The following TMEM267 variants were observed in gnomAD, a reference collection of about 807,000 sequenced individuals.
The protein encoded by TMEM267 is transmembrane protein C5orf28.
A neutral mutation model predicts 19.3 loss-of-function variants in TMEM267; 20 were observed. That is an observed-to-expected ratio of 1.04 (90% CI 0.73 to 1.51). TMEM267 has a LOEUF of 1.51. TMEM267 is among the 40% of genes most tolerant of loss of function. The probability of loss-of-function intolerance (pLI) is 0.00; values close to 1 mark genes in which losing one functional copy is unlikely to be tolerated. For missense variants in TMEM267, 242 were observed against 261.9 expected (o/e 0.92, Z 0.52); for synonymous variants, 88 against 90.3 (o/e 0.97, Z 0.15).
chr5:43,480,898 G>A (rs1194519306), intron 1 of TMEM267, among the ~76,000 whole-genome samples: 1 of 147,072 alleles, frequency 6.8e-6, no homozygotes, highest in African/African-American at 2.5e-5. Context: ...TGCCTCCCGG[G>A]TTCATGCCAC....
chr5:43,484,010 A>G (rs1407512796), upstream of TMEM267: 1 of 152,202 alleles, frequency 6.6e-6, no homozygotes, highest in Non-Finnish European at 1.5e-5. Flanking sequence ...CGGTGGGTAG[A>G]TACCTCGAGT....
chr5:43,447,424 T>A lies in TMEM267; in HGVS notation c.313-867A>T, dbSNP rs931056189. The stretch of plus-strand genomic sequence containing the variant: ...AAATTTCTAAACCACTACCAAAATG[T>A]ATACTCAATATCTGAACCAATAAAA... On this transcript the variant is annotated intron_variant, in intron 2 of 2. Coordinates refer to ENST00000397080, the MANE Select transcript of TMEM267 (RefSeq NM_022483.5). 3.3e-5 allele frequency among the ~76,000 whole-genome samples: 5 copies of A among 152,146 alleles called. No individual in the cohort carries two copies. The East Asian group carries it at 9.6e-4, about 29-fold the overall frequency.
At position 43,471,485 on chromosome 5, in the gene TMEM267, A is replaced by T. The variant is rs891480422; in HGVS notation, c.-75+12337T>A. ...CCCACAAAAGGCCCAGAATACCCAA[A>T]GCTATCCTAAGCAAAAAGAACAAAA... On this transcript the variant is annotated intron_variant, in intron 1 of 2. Coordinates refer to ENST00000397080, the MANE Select transcript of TMEM267 (RefSeq NM_022483.5). Among the ~76,000 whole-genome samples, 4 of 152,164 alleles carry T rather than the reference A, an allele frequency of 2.6e-5. 1 individual carries two copies. The East Asian group carries it at 7.7e-4, about 29-fold the overall frequency.
In TMEM267 at chr5:43,447,055, A is replaced by T. The variant is rs538547468; in HGVS notation, c.313-498T>A. Reference sequence around the variant, plus strand: ...ATTTAGAAAAATTATATTATTTTAAATACGTATTCTAAAATTGAGTTAAAT... The same window carrying T: ...ATTTAGAAAAATTATATTATTTTAATTACGTATTCTAAAATTGAGTTAAAT... On this transcript the variant is annotated intron_variant, in intron 2 of 2. Transcript: ENST00000397080. 2.0e-4 allele frequency among the ~76,000 whole-genome samples: 31 copies of T among 151,862 alleles called. No individual in the cohort carries two copies. In the East Asian group the frequency reaches 5.8e-3, roughly 28 times the overall value.
intron 1 of TMEM267, chr5:43,475,970 C>T (rs181839592): frequency 6.6e-4 from 101 of 152,310 alleles, no homozygotes; most frequent in African/African-American, 1.9e-3. Flanking sequence ...CCAGAATTCC[C>T]TTCCTTATAT....
At chr5:43,449,102 C>T (rs1295232820) in intron 2 of TMEM267, among the ~76,000 whole-genome samples, 2 of 151,472 alleles carry the variant, frequency 1.3e-5, no homozygotes, top group African/African-American at 4.8e-5. Context: ...ATAAGGCACA[C>T]TGAAAAAATT....
intron 1 of TMEM267, among the ~76,000 whole-genome samples, chr5:43,461,443 T>C (rs1743257670): frequency 6.6e-6 from 1 of 152,076 alleles, no homozygotes; most frequent in Non-Finnish European, 1.5e-5. Context: ...TCACCTTAGG[T>C]ATCAGCACAG....
intron 1 of TMEM267, among the ~76,000 whole-genome samples, chr5:43,466,590 C>A (rs140443678): frequency 1.7e-3 from 261 of 152,044 alleles, no homozygotes; most frequent in African/African-American, 6.1e-3. Context: ...ATAGCAAGTA[C>A]ACAAAAAAAT....
intron 1 of TMEM267, among the ~76,000 whole-genome samples, chr5:43,464,228 C>A (rs1276835842): frequency 1.3e-5 from 2 of 151,016 alleles, no homozygotes; most frequent in African/African-American, 4.9e-5. Flanking sequence ...GAATAAAATA[C>A]CTAGGAATCC....
chr5:43,461,156 G>C, intron 1 of TMEM267, among the ~76,000 whole-genome samples: 1 of 152,162 alleles, frequency 6.6e-6, no homozygotes, highest in East Asian at 1.9e-4. Context: ...CTAGTTCCCA[G>C]ATGTCATTTC....
chr5:43,454,561 A>G (rs1742829999), intron 1 of TMEM267: 1 of 152,258 alleles, frequency 6.6e-6, no homozygotes, highest in African/African-American at 2.4e-5. Flanking sequence ...GTGGTAGAGA[A>G]AGTTCCTCTT....
At chr5:43,482,465 G>A (rs1744845235) in intron 1 of TMEM267, among the ~76,000 whole-genome samples, 1 of 151,948 alleles carries the variant, frequency 6.6e-6, no homozygotes, top group Admixed American at 6.6e-5. Context: ...CAAATAAAAC[G>A]GACTCCCGAA....
chr5:43,466,529 G>A (rs1301135708), intron 1 of TMEM267, among the ~76,000 whole-genome samples: 1 of 152,178 alleles, frequency 6.6e-6, no homozygotes, highest in South Asian at 2.1e-4. Flanking sequence ...AGAAAGGAAA[G>A]GATGTTAATG....
chr5:43,458,704 G>A (rs1458463964), intron 1 of TMEM267, among the ~76,000 whole-genome samples: 2 of 152,086 alleles, frequency 1.3e-5, no homozygotes, highest in East Asian at 3.9e-4. Context: ...ATGTTAAAAA[G>A]TTAGGAAGGT....
chr5:43,464,442 T>G (rs570048028), intron 1 of TMEM267, among the ~76,000 whole-genome samples: 238 of 144,638 alleles, frequency 1.6e-3, no homozygotes, highest in Admixed American at 3.5e-3. Context: ...CTTCACAGAA[T>G]TGGAAAAAAC....
At chr5:43,452,585 T>TTAA (rs1554031574) in intron 2 of TMEM267, among the ~76,000 whole-genome samples, 2 of 123,888 alleles carry the variant, frequency 1.6e-5, no homozygotes, top group Middle Eastern at 3.8e-3. Flanking sequence ...CCTAAATCCA[T>TTAA]AAAAAAAAAA....
At chr5:43,455,916 C>A (rs1421470886) in intron 1 of TMEM267, among the ~76,000 whole-genome samples, 1 of 151,838 alleles carries the variant, frequency 6.6e-6, no homozygotes, top group Non-Finnish European at 1.5e-5. Flanking sequence ...GCTCACTACA[C>A]CCTTTACCTC....
chr5:43,446,312 T>C lies in TMEM267; in HGVS notation c.558A>G (p.Ser186=), dbSNP rs1742234062. Residue 186 remains serine, a synonymous_variant, in exon 3 of 3, where the codon TCA becomes TCG. Coordinates refer to ENST00000397080, the MANE Select transcript of TMEM267 (RefSeq NM_022483.5). ...CGAATGAACAGATGTGAGGTAAAGA[T>C]GATGTGATTATTACATAAAGCCAGA... The part of the protein sequence containing the change: ...LPFWLYVIIT[S]SLPHICSFVM... 2 of 1,613,750 alleles carry C rather than the reference T, an allele frequency of 1.2e-6. No homozygotes were observed. The highest frequency in any genetic ancestry group is 2.2e-5 in the South Asian group (2 of 91,082).
chr5:43,449,614 C>T (rs1230777402), intron 2 of TMEM267, among the ~76,000 whole-genome samples: 1 of 152,182 alleles, frequency 6.6e-6, no homozygotes, highest in African/African-American at 2.4e-5. Flanking sequence ...GATAAAATAA[C>T]TTGCAGAGGC....
Sources: gnomAD v4.1 joint callset for allele counts (sites outside exome capture counted in the v4.1 genomes callset) on GRCh38, gnomAD v4.1.1 for gene constraint, MANE v1.5 for transcripts, NCBI Gene and HGNC (gene_info 2026-07-23, HGNC 2026-07-21) for gene names.